Variants in TBC1D23 observed in about 807,000 individuals in gnomAD.
The protein encoded by TBC1D23 is HCV non-structural protein 4A-transactivated protein 1.
Under a neutral mutation model 91.4 loss-of-function variants are expected in TBC1D23, and 55 were observed. The ratio of observed to expected loss-of-function variants is 0.60; its 90% CI spans 0.48 to 0.75. The LOEUF is 0.75. Ranked by LOEUF, TBC1D23 falls within the 30% of genes least tolerant of loss-of-function variation. The pLI is 0.00. For synonymous variants in TBC1D23, 289 were observed against 281.0 expected, an observed-to-expected ratio of 1.03 and a Z score of -0.28; for missense variants, 725 against 836.1, an observed-to-expected ratio of 0.87 and a Z score of 1.64.
At chr3:100,320,538 T>C (rs544166169) in intron 17 of TBC1D23, among the ~76,000 whole-genome samples, 1 of 150,788 alleles carries the variant, frequency 6.6e-6, no homozygotes, top group East Asian at 1.9e-4. Flanking sequence ...CTTTTTATTA[T>C]ATTTATTATA....
chr3:100,320,966 C>A lies in TBC1D23; in HGVS notation c.2013C>A (p.Ile671=), dbSNP rs111649998. ...CTTCAGGAATAGAAATCTTGGCAAT[C>A]GAAAGGTAAGATTTTCCTTAAGATA... The part of the protein sequence containing the change: ...SSASGIEILA[I]ERYLIPNAGD... Residue 671 remains isoleucine (I), a synonymous_variant, in exon 18 of 19, where the codon ATC becomes ATA. Coordinates refer to ENST00000394144, the MANE Select transcript of TBC1D23 (RefSeq NM_001199198.3). The A allele has an allele frequency of 1.7e-4, 264 of 1,590,798 alleles. 3 individuals carry two copies. In the African/African-American group the frequency reaches 2.8e-3, roughly 17 times the overall value.
At chr3:100,274,155 G>A (rs2067626005) in intron 1 of TBC1D23, among the ~76,000 whole-genome samples, 1 of 152,050 alleles carries the variant, frequency 6.6e-6, no homozygotes, top group African/African-American at 2.4e-5. Context: ...GTAAGCTGTT[G>A]TTCAGTAACA....
intron 12 of TBC1D23, among the ~76,000 whole-genome samples, 176 bp from the exon 13 acceptor site, chr3:100,306,261 T>G (rs982285771): frequency 2.0e-5 from 3 of 152,224 alleles, no homozygotes; most frequent in African/African-American, 7.2e-5. Flanking sequence ...TAGGAAGGTT[T>G]GCTCTAGCTT....
intron 4 of TBC1D23, among the ~76,000 whole-genome samples, chr3:100,286,501 C>CTTTTTTTTTTTTTTTTTTTT (rs11370481): frequency 4.8e-5 from 7 of 146,418 alleles, no homozygotes; most frequent in Non-Finnish European, 6.1e-5. Context: ...AACATATCTT[C>CTTTTTTTTTTTTTTTTTTTT]TTTTTTTTTT....
At chr3:100,309,426 A>C (rs1156681623) in intron 13 of TBC1D23, among the ~76,000 whole-genome samples, 1 of 152,104 alleles carries the variant, frequency 6.6e-6, no homozygotes, top group Non-Finnish European at 1.5e-5. Context: ...AAATAAGGTA[A>C]TTTCAGGCTC....
Position 100,320,845 on chromosome 3 carries a change from A to T in TBC1D23, c.1892A>T (p.Tyr631Phe). The change falls in exon 18 of 19, where the codon TAT (tyrosine) becomes TTT (phenylalanine). Residue 631 changes from tyrosine (Y) to phenylalanine (F), a missense_variant. Tyr to Phe is a conservative substitution (Grantham distance 22, BLOSUM62 3). Transcript: ENST00000394144. Reference protein sequence around the residue: ...REIVSRKGLAYIQSRQALNSV... With the variant: ...REIVSRKGLAFIQSRQALNSV... ...ATTGTTTCACGGAAAGGATTGGCTTATATACAGTCTCGACAAGCGCTGAAT... is the reference window on the plus strand; with the variant it reads ...ATTGTTTCACGGAAAGGATTGGCTTTTATACAGTCTCGACAAGCGCTGAAT... 1 of 1,613,376 alleles carries T rather than the reference A, an allele frequency of 6.2e-7. No individual in the cohort carries two copies. The highest frequency in any genetic ancestry group is 2.2e-5 in the East Asian group (1 of 44,802).
chr3:100,297,027 G>T (rs1206404566), intron 8 of TBC1D23, among the ~76,000 whole-genome samples: 4 of 152,108 alleles, frequency 2.6e-5, no homozygotes, highest in African/African-American at 9.7e-5. Context: ...AGACCAGACA[G>T]ATGCCTAATA....
At chr3:100,282,802 G>A (rs1326643655) in intron 3 of TBC1D23, among the ~76,000 whole-genome samples, 1 of 152,170 alleles carries the variant, frequency 6.6e-6, no homozygotes, top group East Asian at 1.9e-4. Context: ...GCCCATCATG[G>A]AGTAGGTGAT....
chr3:100,302,552 GATT>G (rs1398385889), intron 11 of TBC1D23, among the ~76,000 whole-genome samples: 1 of 152,000 alleles, frequency 6.6e-6, no homozygotes, highest in Non-Finnish European at 1.5e-5. Flanking sequence ...TCTATTTCTG[GATT>G]ATTATGTTAT....
chr3:100,301,800 G>C (rs1705438006), intron 10 of TBC1D23: 1 of 324,034 alleles, frequency 3.1e-6, no homozygotes, highest in African/African-American at 2.2e-5. Context: ...GAAAAAACAA[G>C]AACAACAAAC....
chr3:100,317,810 T>G (rs1202242927), intron 16 of TBC1D23, among the ~76,000 whole-genome samples: 1 of 152,144 alleles, frequency 6.6e-6, no homozygotes, highest in Non-Finnish European at 1.5e-5. Context: ...ATTTACAATA[T>G]GGAAAATTGG....
At chr3:100,279,833 G>A in intron 2 of TBC1D23, 73 bp downstream of exon 2, 3 of 914,726 alleles carry the variant, frequency 3.3e-6, no homozygotes, top group South Asian at 1.7e-5. Context: ...TGCTTCAGAT[G>A]TCTTAGTTGC....
In TBC1D23 at chr3:100,283,655, T is replaced by G; in HGVS notation, c.320T>G (p.Ile107Ser). Residue 107 changes from isoleucine to serine, a missense_variant, in exon 4 of 19, where the codon ATT (isoleucine) becomes AGT (serine). Transcript: ENST00000394144. ...EEKAAELLLD[I>S]ESVITFYCKS... The stretch of plus-strand genomic sequence containing the variant: ...AAGGCAGCAGAATTACTTTTGGATA[T>G]TGAATCTGTAATTACCTTTTATTGT... 1 of 1,613,930 alleles carries G rather than the reference T, an allele frequency of 6.2e-7. No individual in the cohort carries two copies. The highest frequency in any genetic ancestry group is 8.5e-7 in the Non-Finnish European group (1 of 1,179,806).
chr3:100,299,790 C>T (rs1438501423), intron 10 of TBC1D23, among the ~76,000 whole-genome samples: 2 of 152,152 alleles, frequency 1.3e-5, no homozygotes, highest in Non-Finnish European at 2.9e-5. Context: ...GGATTATAGG[C>T]GTGAGCCACC....
chr3:100,305,015 A>T (rs930997559), intron 12 of TBC1D23, 127 bp downstream of exon 12: 2 of 557,078 alleles, frequency 3.6e-6, no homozygotes, highest in African/African-American at 3.9e-5. Context: ...CAATATTTTC[A>T]GAAAAGGCAA....
chr3:100,306,849 G>C (rs1299105309), intron 13 of TBC1D23, among the ~76,000 whole-genome samples: 2 of 152,194 alleles, frequency 1.3e-5, no homozygotes, highest in African/African-American at 4.8e-5. Context: ...TTATGTTCCA[G>C]CTTAAATATC....
At chr3:100,296,591 G>A (rs2067842942) in intron 8 of TBC1D23, among the ~76,000 whole-genome samples, 1 of 152,074 alleles carries the variant, frequency 6.6e-6, no homozygotes, top group Non-Finnish European at 1.5e-5. Context: ...CGGGCGTGGT[G>A]GCTCACGCCT....
At chr3:100,302,362 T>A in intron 11 of TBC1D23, 125 bp downstream of exon 11, 3 of 699,052 alleles carry the variant, frequency 4.3e-6, no homozygotes. Context: ...CTTGTTAAGG[T>A]CTTCTCCAGA....
intron 8 of TBC1D23, among the ~76,000 whole-genome samples, chr3:100,296,919 T>C (rs2067846910): frequency 6.6e-6 from 1 of 152,012 alleles, no homozygotes; most frequent in African/African-American, 2.4e-5. Context: ...GGTAGAGTTT[T>C]GCCACTTTTC....
Sources: gnomAD v4.1 joint callset for allele counts (sites outside exome capture counted in the v4.1 genomes callset) on GRCh38, gnomAD v4.1.1 for gene constraint, MANE v1.5 for transcripts, NCBI Gene and HGNC (gene_info 2026-07-23, HGNC 2026-07-21) for gene names.